CCSER2: variants seen among roughly 807,000 people sequenced by gnomAD.
CCSER2 encodes coiled-coil serine rich protein 2.
CCSER2 carries 46 observed loss-of-function variants against 92.3 expected under a neutral mutation model. The ratio of observed to expected loss-of-function variants is 0.50; its 90% CI spans 0.39 to 0.64. The LOEUF is 0.64. Among genes scored for constraint, CCSER2 ranks in the 30% least tolerant of loss-of-function variants. CCSER2 has a pLI of 0.00. For missense variants in CCSER2, 1,244 were observed against 1,238.9 expected (o/e 1.00, Z -0.06); for synonymous variants, 433 against 431.4 (o/e 1.00, Z -0.04).
intron 1 of CCSER2, among the ~76,000 whole-genome samples, chr10:84,350,372 T>C (rs1844794564): frequency 6.9e-6 from 1 of 145,636 alleles, no homozygotes; most frequent in Non-Finnish European, 1.5e-5. Flanking sequence ...TTTGTAATTA[T>C]TTAATTGTTT....
intron 6 of CCSER2, among the ~76,000 whole-genome samples, chr10:84,456,528 A>G (rs1480832894): frequency 6.6e-6 from 1 of 152,210 alleles, no homozygotes; most frequent in Non-Finnish European, 1.5e-5. Flanking sequence ...GCAGTTACAA[A>G]TAAAACTGCT....
intron 3 of CCSER2, among the ~76,000 whole-genome samples, chr10:84,402,326 T>A (rs1211294817): frequency 2.0e-5 from 3 of 151,998 alleles, no homozygotes; most frequent in African/African-American, 7.3e-5. Flanking sequence ...ACTTGAAGAG[T>A]TTTATTCAAA....
intron 8 of CCSER2, chr10:84,473,174 G>C (rs1019080130): frequency 1.3e-5 from 2 of 151,928 alleles, no homozygotes; most frequent in African/African-American, 4.8e-5. Context: ...CTCTGTACTC[G>C]ATATATTAAA....
In CCSER2 at chr10:84,338,508, G is replaced by A. The variant is rs1398674127; in HGVS notation, c.-40+9700G>A. 4.6e-5 allele frequency among the ~76,000 whole-genome samples: 7 copies of A among 151,992 alleles called. No individual in the cohort carries two copies. The East Asian group carries it at 1.3e-3, about 29-fold the overall frequency. The stretch of plus-strand genomic sequence containing the variant: ...CAGAGAAAAAAAATGCAGGATCTAC[G>A]TCGTTGAAACGTAAATGAAATTAAC... On this transcript the variant is annotated intron_variant, in intron 1 of 9. Coordinates refer to ENST00000372088, the MANE Select transcript of CCSER2 (RefSeq NM_001284240.2).
At chr10:84,502,144 G>A (rs1848789898) in intron 9 of CCSER2, among the ~76,000 whole-genome samples, 1 of 151,250 alleles carries the variant, frequency 6.6e-6, no homozygotes, top group Non-Finnish European at 1.5e-5. Flanking sequence ...ATATAGAAAA[G>A]AAAGGTATGA....
rs1849510543 is a variant in CCSER2 at position 84,514,082 on chromosome 10, T to G, written c.2959T>G (p.Ser987Ala). 2.0e-6 allele frequency: 3 copies of G among 1,536,096 alleles called. No individual in the cohort carries two copies. The East Asian group carries it at 7.3e-5, about 38-fold the overall frequency. The change falls in exon 10 of 10, where the codon TCT becomes GCT. Residue 987 changes from serine to alanine, a missense_variant. Transcript: ENST00000372088. The stretch of plus-strand genomic sequence containing the variant: ...ATCTAAGCTCCGCCCCCCCTCAGGC[T>G]CTTTCAAACAAAAACAAACAAACAG... The part of the protein sequence containing the change: ...KASKLRPPSG[S>A]FKQKQTNSPQ...
intron 9 of CCSER2, among the ~76,000 whole-genome samples, chr10:84,496,056 T>C (rs1004389455): frequency 7.9e-5 from 12 of 151,860 alleles, no homozygotes; most frequent in African/African-American, 2.9e-4. Flanking sequence ...TTTGAGTTTA[T>C]GTCTTTATAA....
chr10:84,400,557 G>A (rs1564630127), intron 3 of CCSER2, among the ~76,000 whole-genome samples: 3 of 152,086 alleles, frequency 2.0e-5, no homozygotes, highest in Admixed American at 2.0e-4. Context: ...TATGGTGTGA[G>A]GTAATGATCT....
At chr10:84,339,131 T>G (rs1026770221) in intron 1 of CCSER2, among the ~76,000 whole-genome samples, 1 of 151,790 alleles carries the variant, frequency 6.6e-6, no homozygotes, top group Non-Finnish European at 1.5e-5. Flanking sequence ...TTTGTTTTTT[T>G]TTTTGCCTGT....
intron 6 of CCSER2, among the ~76,000 whole-genome samples, chr10:84,459,281 T>A (rs1845956712): frequency 6.6e-6 from 1 of 152,224 alleles, no homozygotes; most frequent in Non-Finnish European, 1.5e-5. Context: ...TTTCTAGTAC[T>A]TTTATTATAG....
intron 3 of CCSER2, among the ~76,000 whole-genome samples, chr10:84,408,136 G>A (rs1312664767): frequency 6.7e-6 from 1 of 148,266 alleles, no homozygotes; most frequent in Non-Finnish European, 1.5e-5. Flanking sequence ...TTACATAAAG[G>A]AAAAATTTAT....
At chr10:84,444,424 C>T (rs1250677054) in intron 6 of CCSER2, among the ~76,000 whole-genome samples, 1 of 152,134 alleles carries the variant, frequency 6.6e-6, no homozygotes, top group Non-Finnish European at 1.5e-5. Flanking sequence ...TTTATTTGGA[C>T]ATTCTTCTAG....
chr10:84,471,441 T>C (rs1846793197), intron 8 of CCSER2, among the ~76,000 whole-genome samples: 1 of 152,098 alleles, frequency 6.6e-6, no homozygotes, highest in Non-Finnish European at 1.5e-5. Context: ...TTATGTAAGC[T>C]TCGATTTTTA....
intron 4 of CCSER2, among the ~76,000 whole-genome samples, chr10:84,421,472 C>A (rs1843146702): frequency 6.6e-6 from 1 of 152,022 alleles, no homozygotes; most frequent in South Asian, 2.1e-4. Context: ...AAGTGCTGAG[C>A]AAAGGGGGAA....
rs1340743533 is a variant in CCSER2, at chr10:84,515,875, C to G, written c.*1608C>G. ...ACCTCCATGCTACCATGTGCACAAA[C>G]CTAATTATGCTTTGGGTCACTTGTC... is the stretch of plus-strand genomic sequence containing the variant. On this transcript the variant is annotated 3_prime_UTR_variant, in exon 10 of 10. Coordinates refer to ENST00000372088, the MANE Select transcript of CCSER2 (RefSeq NM_001284240.2). 2.0e-5 allele frequency: 3 copies of G among 152,154 alleles called. No homozygotes were observed. Among genetic ancestry groups the G allele is most frequent in the Non-Finnish European group, 4.4e-5 (3 of 68,036 alleles). 9.4% of individuals were successfully genotyped at this position (152,154 alleles called of 1,614,324 possible).
intron 1 of CCSER2, among the ~76,000 whole-genome samples, chr10:84,369,840 A>G (rs1411228103): frequency 6.6e-6 from 1 of 152,108 alleles, no homozygotes; most frequent in Non-Finnish European, 1.5e-5. Context: ...GGTAAGAGAT[A>G]GGGATCCAAT....
intron 3 of CCSER2, chr10:84,389,557 T>C (rs1841410792): frequency 4.1e-6 from 1 of 246,290 alleles, no homozygotes; most frequent in Non-Finnish European, 8.2e-6. Flanking sequence ...GATGTGGCAT[T>C]GACTTTACCT....
chr10:84,358,843 C>A (rs930711894), intron 1 of CCSER2, among the ~76,000 whole-genome samples: 14 of 152,042 alleles, frequency 9.2e-5, no homozygotes, highest in African/African-American at 3.4e-4. Flanking sequence ...TTCATAAATT[C>A]TTTTTGTAAA....
intron 1 of CCSER2, among the ~76,000 whole-genome samples, chr10:84,349,029 TTAATC>T (rs1292217021): frequency 6.6e-6 from 1 of 152,230 alleles, no homozygotes; most frequent in African/African-American, 2.4e-5. Flanking sequence ...ACGCAATAGT[TTAATC>T]TACCATTTGT....
Sources: allele counts gnomAD v4.1 joint callset (sites outside exome capture counted in the v4.1 genomes callset), GRCh38; gene constraint gnomAD v4.1.1; transcripts MANE v1.5; gene names NCBI Gene and HGNC (gene_info 2026-07-23, HGNC 2026-07-21).